The following SASH1 variants were observed in gnomAD, a reference collection of about 807,000 sequenced individuals.
SASH1 encodes SAM and SH3 domain-containing protein 1.
A neutral mutation model predicts 125.2 loss-of-function variants in SASH1; 44 were observed. The ratio of observed to expected loss-of-function variants is 0.35; its 90% confidence interval spans 0.28 to 0.45. SASH1 has a LOEUF of 0.45. Among genes scored for constraint, SASH1 ranks in the 20% least tolerant of loss-of-function variants. SASH1 has a pLI of 1.00. For synonymous variants in SASH1, 639 were observed against 649.1 expected (o/e 0.98, Z 0.24); for missense variants, 1,426 against 1,614.5 (o/e 0.88, Z 2.00).
chr6:148,216,270 A>G, the SASH1 span, among the ~76,000 whole-genome samples: 32 of 152,334 alleles, frequency 2.1e-4, no homozygotes, highest in Middle Eastern at 3.4e-3. Context: ...ATCTACTTGT[A>G]TCATTTTTTA....
chr6:148,448,115 A>AGAGTGTGTGTGTGTGT (rs374141600), intron 4 of SASH1, among the ~76,000 whole-genome samples: 142 of 146,918 alleles, frequency 9.7e-4, no homozygotes, highest in South Asian at 2.6e-3. Flanking sequence ...CAGTGGAGAG[A>AGAGTGTGTGTGTGTGT]GTGTGTGTGT....
the SASH1 span, among the ~76,000 whole-genome samples, chr6:148,220,569 A>G: frequency 6.6e-6 from 1 of 152,168 alleles, no homozygotes; most frequent in Non-Finnish European, 1.5e-5. Context: ...TGGGAATAGC[A>G]ATGATTGGAT....
chr6:148,422,607 G>A (rs2114949536), intron 2 of SASH1, among the ~76,000 whole-genome samples: 1 of 152,278 alleles, frequency 6.6e-6, no homozygotes. Flanking sequence ...TTTCAACGTG[G>A]CACTTTTGCC....
intron 1 of SASH1, among the ~76,000 whole-genome samples, chr6:148,383,141 C>T (rs1583057579): frequency 6.6e-6 from 1 of 152,308 alleles, no homozygotes; most frequent in East Asian, 1.9e-4. Flanking sequence ...TGAGGCCGAA[C>T]AAGAAAACGA....
intron 2 of SASH1, among the ~76,000 whole-genome samples, chr6:148,391,830 T>C (rs2057158852): frequency 6.6e-6 from 1 of 152,216 alleles, no homozygotes; most frequent in South Asian, 2.1e-4. Context: ...TTTGTTTCAT[T>C]ATGCCAACCT....
intron 11 of SASH1, among the ~76,000 whole-genome samples, chr6:148,525,940 T>A (rs1781120521): frequency 6.6e-6 from 1 of 151,078 alleles, no homozygotes; most frequent in East Asian, 2.0e-4. Context: ...GTGTCTGCCC[T>A]CTCAGACCTG....
intron 1 of SASH1, among the ~76,000 whole-genome samples, chr6:148,366,944 CTGATGGATTCTGTAACTAG>C (rs1267170840): frequency 7.2e-6 from 1 of 139,254 alleles, no homozygotes; most frequent in African/African-American, 2.7e-5. Flanking sequence ...TCTTTGGGTT[CTGATGGATTCTGTAACTAG>C]TGGGTAGCTT....
intron 1 of SASH1, among the ~76,000 whole-genome samples, chr6:148,300,285 G>A (rs9403934): frequency 0.1 from 15,935 of 152,094 alleles, 1,051 homozygotes; most frequent in East Asian, 0.22. Flanking sequence ...TTGGAAGGAT[G>A]TTAAAAGTTA....
At chr6:148,339,010 A>AAG (rs1467548257), upstream of SASH1, among the ~76,000 whole-genome samples, 7 of 150,040 alleles carry the variant, frequency 4.7e-5, no homozygotes, top group Non-Finnish European at 8.9e-5. Context: ...TCTTTAAAAA[A>AAG]AAAAAAAAAA....
intron 8 of SASH1, among the ~76,000 whole-genome samples, chr6:148,506,984 T>C (rs547460463): frequency 1.3e-5 from 2 of 152,194 alleles, no homozygotes; most frequent in African/African-American, 4.8e-5. Context: ...TTTGGACAAA[T>C]ACAAGTGTTG....
chr6:148,546,048 C>A lies in SASH1; in HGVS notation c.3382C>A (p.Gln1128Lys), dbSNP rs147629441. 3.1e-6 allele frequency: 5 copies of A among 1,614,192 alleles called. No homozygotes were observed. In the East Asian group the frequency reaches 1.1e-4, roughly 36 times the overall value. The change falls in exon 19 of 20, where the codon CAG becomes AAG. Residue 1128 changes from glutamine (Q) to lysine (K), a missense_variant. Coordinates refer to ENST00000367467, the MANE Select transcript of SASH1 (RefSeq NM_015278.5). ...GRCGIPEALV[Q>K]RYAEDLDQPE... ...CTGTGGGATTCCTGAAGCCCTGGTGCAGAGATACGCAGAGGACTTGGATCA... is the reference window on the plus strand; with the variant it reads ...CTGTGGGATTCCTGAAGCCCTGGTGAAGAGATACGCAGAGGACTTGGATCA...
intron 9 of SASH1, 47 bp downstream of exon 9, chr6:148,514,503 G>C (rs887364588): frequency 2.2e-6 from 3 of 1,355,754 alleles, no homozygotes; most frequent in Non-Finnish European, 2.9e-6. Flanking sequence ...CTCCACCCTG[G>C]TTATTCCAAA....
upstream of SASH1, among the ~76,000 whole-genome samples, chr6:148,270,372 ATAT>A (rs1779032964): frequency 1.5e-5 from 1 of 66,066 alleles, no homozygotes; most frequent in Non-Finnish European, 3.0e-5. Flanking sequence ...ACTGACTTTA[ATAT>A]TTTAAAATTT....
chr6:148,490,462 G>T (rs1779062079), intron 8 of SASH1, among the ~76,000 whole-genome samples: 1 of 152,116 alleles, frequency 6.6e-6, no homozygotes. Flanking sequence ...CCCACCTCGG[G>T]CTCCCAAAAT....
At chr6:148,491,002 A>G (rs980849402) in intron 8 of SASH1, among the ~76,000 whole-genome samples, 3 of 152,178 alleles carry the variant, frequency 2.0e-5, no homozygotes, top group African/African-American at 7.2e-5. Flanking sequence ...TGAGTTTTTC[A>G]AGGTGGAGTC....
chr6:148,298,603 T>G (rs1324806346), intron 1 of SASH1, among the ~76,000 whole-genome samples: 1 of 141,836 alleles, frequency 7.1e-6, no homozygotes, highest in Non-Finnish European at 1.5e-5. Flanking sequence ...ATCATGCCAC[T>G]GCATTCCAGC....
In SASH1 at chr6:148,471,492, A is replaced by G. The variant is rs376785254; in HGVS notation, c.503A>G (p.Gln168Arg). 2.5e-6 allele frequency: 4 copies of G among 1,588,080 alleles called. No homozygotes were observed. Among genetic ancestry groups the G allele is most frequent in the Middle Eastern group, 1.7e-4 (1 of 6,008 alleles). ...FRKNQKGIMR[Q>R]TSKGEDVGYV... ...AAGAACCAGAAAGGAATAATGAGAC[A>G]GACTTCAAAAGGTACTGCAATGCAG... Residue 168 changes from glutamine to arginine, a missense_variant, in exon 6 of 20, where the codon CAG becomes CGG. Physicochemically the swap from Gln to Arg is conservative, Grantham distance 43. Around this residue, in one of 3 missense-constraint regions of SASH1, gnomAD observed 567 missense variants for 575.6 expected, o/e 0.99. Transcript: ENST00000367467.
chr6:148,333,054 T>C (rs1012694219), intron 1 of SASH1, among the ~76,000 whole-genome samples: 3 of 152,126 alleles, frequency 2.0e-5, no homozygotes, highest in Non-Finnish European at 4.4e-5. Flanking sequence ...CACTGTATTC[T>C]ATTTTAAAAC....
At chr6:148,395,546 A>G (rs1162032246) in intron 2 of SASH1, among the ~76,000 whole-genome samples, 1 of 152,206 alleles carries the variant, frequency 6.6e-6, no homozygotes, top group African/African-American at 2.4e-5. Flanking sequence ...GTAAAAATTC[A>G]ACAATATAAA....
Sources: allele counts gnomAD v4.1 joint callset (sites outside exome capture counted in the v4.1 genomes callset), GRCh38; gene constraint gnomAD v4.1.1; regional missense constraint gnomAD v4.1.1; transcripts MANE v1.5; gene names NCBI Gene and HGNC (gene_info 2026-07-23, HGNC 2026-07-21).